STXBP5L: variants seen among roughly 807,000 people sequenced by gnomAD.
STXBP5L encodes the protein syntaxin-binding protein 5-like.
STXBP5L carries 65 observed loss-of-function variants against 144.5 expected under a neutral mutation model. The observed-to-expected ratio is 0.45, with a 90% CI of 0.37 to 0.55. The LOEUF is 0.55. Ranked by LOEUF, STXBP5L falls within the 20% of genes least tolerant of loss-of-function variation. The pLI, the probability that STXBP5L is intolerant of heterozygous loss-of-function variation, is 0.00. For synonymous variants in STXBP5L, 505 were observed against 469.6 expected, an observed-to-expected ratio of 1.08 and a Z score of -0.97; for missense variants, 1,298 against 1,405.5, an observed-to-expected ratio of 0.92 and a Z score of 1.22.
chr3:121,100,787 A>T (rs1314884845), intron 5 of STXBP5L, among the ~76,000 whole-genome samples: 1 of 151,954 alleles, frequency 6.6e-6, no homozygotes, highest in Non-Finnish European at 1.5e-5. Flanking sequence ...AATCCACACA[A>T]TATATCGACA....
chr3:121,367,207 C>G (rs891258298), intron 20 of STXBP5L, among the ~76,000 whole-genome samples: 6 of 152,032 alleles, frequency 3.9e-5, no homozygotes, highest in African/African-American at 1.4e-4. Context: ...TACAATTGCC[C>G]TTGTATTTGT....
chr3:121,095,937 A>G (rs940647472), intron 5 of STXBP5L, among the ~76,000 whole-genome samples: 4 of 152,072 alleles, frequency 2.6e-5, no homozygotes, highest in Admixed American at 1.3e-4. Flanking sequence ...TTGGTCTTCA[A>G]TGATGGTGAC....
chr3:121,074,036 A>G (rs1353615759), intron 5 of STXBP5L, among the ~76,000 whole-genome samples: 1 of 152,172 alleles, frequency 6.6e-6, no homozygotes, highest in African/African-American at 2.4e-5. Context: ...TGCAGCCAAC[A>G]ATACATCATC....
chr3:121,119,818 A>G (rs1018694601), intron 6 of STXBP5L, among the ~76,000 whole-genome samples: 3 of 151,312 alleles, frequency 2.0e-5, no homozygotes, highest in Admixed American at 6.6e-5. Flanking sequence ...GATGTGTTCT[A>G]TGTTTGTTTA....
chr3:120,918,661 T>A (rs941218838), intron 2 of STXBP5L, among the ~76,000 whole-genome samples: 7 of 152,198 alleles, frequency 4.6e-5, no homozygotes, highest in Non-Finnish European at 8.8e-5. Context: ...TTTCTTTATA[T>A]AATCTAACAT....
rs151310186 is a variant in STXBP5L, at chr3:121,056,510, C to T, written c.470+10975C>T. On this transcript the variant is annotated intron_variant, in intron 5 of 26. Coordinates refer to ENST00000471454, the MANE Select transcript of STXBP5L (RefSeq NM_001308330.2). ...ACTCCATAATTTATGAAATCTCTGG[C>T]AAACTGGATCCATCTGAATTGGCTT... Among the ~76,000 whole-genome samples, 553 of 152,274 alleles carry T rather than the reference C, an allele frequency of 3.6e-3. 4 individuals are homozygous for T. Among genetic ancestry groups the T allele is most frequent in the Non-Finnish European group, 5.6e-3 (379 of 68,016 alleles).
Position 121,318,545 on chromosome 3 carries a change from A to G in STXBP5L, c.2176+5A>G, listed in dbSNP as rs759238452. 1 of 1,539,108 alleles carries G rather than the reference A, an allele frequency of 6.5e-7. No homozygotes were observed. The highest frequency in any genetic ancestry group is 8.8e-7 in the Non-Finnish European group (1 of 1,141,026). ...GCTGCAAGTCTCCTACCTCAGGTAA[A>G]CATGAGTGGTATTTTGCAGACTTCT... On this transcript the variant is annotated splice_donor_5th_base_variant and intron_variant, in intron 20 of 26. Transcript: ENST00000471454.
intron 3 of STXBP5L, among the ~76,000 whole-genome samples, chr3:121,038,506 A>AC: frequency 6.6e-6 from 1 of 151,992 alleles, no homozygotes. Context: ...TACTTGTTTT[A>AC]TAGTTCGAAA....
chr3:121,092,975 G>A (rs527766186), intron 5 of STXBP5L, among the ~76,000 whole-genome samples: 115 of 152,282 alleles, frequency 7.6e-4, no homozygotes, highest in East Asian at 1.2e-3. Context: ...AGAGTTTTTA[G>A]CATGAAGAGT....
intron 3 of STXBP5L, among the ~76,000 whole-genome samples, chr3:120,986,429 T>G (rs12330506): frequency 1.3e-5 from 2 of 151,842 alleles, no homozygotes; most frequent in Non-Finnish European, 2.9e-5. Flanking sequence ...TTATATTCTA[T>G]CTGGTTGTTT....
chr3:120,962,863 G>A (rs980269076), intron 3 of STXBP5L, among the ~76,000 whole-genome samples: 1 of 152,116 alleles, frequency 6.6e-6, no homozygotes, highest in Non-Finnish European at 1.5e-5. Context: ...AATTACCTTG[G>A]GCAGTATAGC....
At chr3:121,004,809 C>T (rs1035899409) in intron 3 of STXBP5L, among the ~76,000 whole-genome samples, 2 of 152,152 alleles carry the variant, frequency 1.3e-5, no homozygotes, top group Non-Finnish European at 2.9e-5. Flanking sequence ...TTGAGATAAT[C>T]ATGTGGGTTT....
intron 18 of STXBP5L, among the ~76,000 whole-genome samples, chr3:121,266,535 A>C (rs1445595332): frequency 6.6e-6 from 1 of 152,240 alleles, no homozygotes; most frequent in East Asian, 1.9e-4. Flanking sequence ...AATAGGCACA[A>C]GCTGGGAGCA....
chr3:121,012,528 G>A (rs1047985110), intron 3 of STXBP5L, among the ~76,000 whole-genome samples: 9 of 151,712 alleles, frequency 5.9e-5, no homozygotes, highest in African/African-American at 2.2e-4. Context: ...CATCTTAGTG[G>A]CTGTAGAGTG....
intron 12 of STXBP5L, among the ~76,000 whole-genome samples, chr3:121,236,318 C>T (rs1295041617): frequency 6.6e-6 from 1 of 152,106 alleles, no homozygotes; most frequent in Non-Finnish European, 1.5e-5. Flanking sequence ...GTCTTAGTCC[C>T]TTTTATATTG....
At chr3:121,218,117 G>T (rs2048848379) in intron 10 of STXBP5L, among the ~76,000 whole-genome samples, 1 of 137,778 alleles carries the variant, frequency 7.3e-6, no homozygotes, top group Admixed American at 7.7e-5. Flanking sequence ...ATACTATATA[G>T]TATAATATAA....
intron 20 of STXBP5L, among the ~76,000 whole-genome samples, chr3:121,355,047 A>C (rs898662557): frequency 1.3e-5 from 2 of 152,218 alleles, no homozygotes; most frequent in East Asian, 3.8e-4. Flanking sequence ...GGTTTCTGCC[A>C]AGAGATCCGC....
intron 3 of STXBP5L, among the ~76,000 whole-genome samples, chr3:120,969,172 T>C (rs1375204946): frequency 6.6e-6 from 1 of 152,134 alleles, no homozygotes; most frequent in Non-Finnish European, 1.5e-5. Context: ...TGTAAAAGTG[T>C]TCCCTTTTTA....
chr3:121,199,439 T>C (rs2048051772), intron 9 of STXBP5L, among the ~76,000 whole-genome samples: 2 of 152,304 alleles, frequency 1.3e-5, no homozygotes, highest in South Asian at 4.1e-4. Flanking sequence ...AGAGACAATA[T>C]GACTTCCTCT....
Sources: gnomAD v4.1 joint callset for allele counts (sites outside exome capture counted in the v4.1 genomes callset) on GRCh38, gnomAD v4.1.1 for gene constraint, MANE v1.5 for transcripts, NCBI Gene and HGNC (gene_info 2026-07-23, HGNC 2026-07-21) for gene names.